Variants in TAS1R2 observed in about 807,000 individuals in gnomAD.
The protein encoded by TAS1R2 is taste receptor type 1 member 2.
Under a neutral mutation model 49.3 loss-of-function variants are expected in TAS1R2, and 47 were observed. That is an observed-to-expected ratio of 0.95 (90% CI 0.75 to 1.22). TAS1R2 has a LOEUF of 1.22. Ranked by LOEUF, TAS1R2 falls within the 50% of genes most tolerant of loss-of-function variation. The probability of loss-of-function intolerance (pLI) is 0.00; values close to 1 mark genes in which losing one functional copy is unlikely to be tolerated. For missense variants in TAS1R2, 1,155 were observed against 1,122.1 expected, an observed-to-expected ratio of 1.03 and a Z score of -0.42; for synonymous variants, 479 against 467.9, an observed-to-expected ratio of 1.02 and a Z score of -0.31.
intron 4 of TAS1R2, among the ~76,000 whole-genome samples, chr1:18,845,060 G>A (rs79168270): frequency 0.05 from 7,590 of 152,150 alleles, 522 homozygotes; most frequent in African/African-American, 0.15. Flanking sequence ...TTCCTCTCTG[G>A]GAAAATTCCA....
chr1:18,841,951 A>C (rs1933838215), intron 4 of TAS1R2, 99 bp from the exon 5 acceptor site: 2 of 1,290,694 alleles, frequency 1.5e-6, no homozygotes, highest in African/African-American at 3.0e-5. Context: ...GAGGAAGCCT[A>C]GAAGCCCCCT....
In TAS1R2 at chr1:18,840,016, G is replaced by A. The variant is rs1368875450; in HGVS notation, c.2103C>T (p.Gly701=). 9 of 1,613,314 alleles carry A rather than the reference G, an allele frequency of 5.6e-6. No homozygotes were observed. The South Asian group carries it at 7.7e-5, about 14-fold the overall frequency. Residue 701 remains glycine (G), a synonymous_variant, in exon 6 of 6, where the codon GGC becomes GGT. Coordinates refer to ENST00000375371, the Ensembl canonical transcript of TAS1R2. ...GGTCAGTACGGGTGGTGGGACTGAG[G>A]CCCGTGGCCAGCATGCCAATTACCA... is the stretch of plus-strand genomic sequence containing the variant.
intron 4 of TAS1R2, among the ~76,000 whole-genome samples, 196 bp from the exon 5 acceptor site, chr1:18,842,048 G>A (rs1211288278): frequency 6.6e-6 from 1 of 151,672 alleles, no homozygotes; most frequent in African/African-American, 2.4e-5. Flanking sequence ...TCTGAAATAT[G>A]CTCAGAGCAT....
chr1:18,847,056 C>T (rs544129834), intron 4 of TAS1R2, among the ~76,000 whole-genome samples: 2 of 152,330 alleles, frequency 1.3e-5, no homozygotes, highest in Admixed American at 1.3e-4. Flanking sequence ...TCTAAGGCCT[C>T]CCCACAAGCT....
At chr1:18,851,228 C>T (rs1323362165) in intron 3 of TAS1R2, among the ~76,000 whole-genome samples, 2 of 152,180 alleles carry the variant, frequency 1.3e-5, no homozygotes, top group African/African-American at 4.8e-5. Context: ...AAGAGCCAGA[C>T]CAGTGCCGAG....
chr1:18,841,686 C>A, intron 5 of TAS1R2, 43 bp downstream of exon 5: 1 of 1,589,082 alleles, frequency 6.3e-7, no homozygotes, highest in Non-Finnish European at 8.6e-7. Context: ...AGGGCAGGGG[C>A]AGGGCAGGGG....
exon 2 of TAS1R2, chr1:18,857,495 T>G: frequency 6.2e-7 from 1 of 1,614,164 alleles, no homozygotes; most frequent in African/African-American, 1.3e-5. Flanking sequence ...GGCTGGACAT[T>G]GTTGGAGATG....
At chr1:18,857,615 T>C in exon 2 of TAS1R2, 3 of 1,613,222 alleles carry the variant, frequency 1.9e-6, no homozygotes, top group Non-Finnish European at 2.5e-6. Context: ...TTGTAGCCTA[T>C]CACCTTCACT....
At position 18,841,860 on chromosome 1, in the gene TAS1R2, G is replaced by T; in HGVS notation, c.1468-8C>A. On this transcript the variant is annotated splice_polypyrimidine_tract_variant and splice_region_variant and intron_variant, in intron 4 of 5. Coordinates refer to ENST00000375371, the Ensembl canonical transcript of TAS1R2. Reference sequence around the variant, plus strand: ...ACACATGGACATAGGGATCTGGAGGGAGGAGGGCAAGAGACCCTGAGTCCT... The same window carrying T: ...ACACATGGACATAGGGATCTGGAGGTAGGAGGGCAAGAGACCCTGAGTCCT... 6.3e-7 allele frequency: 1 copy of T among 1,588,270 alleles called. No individual in the cohort carries two copies. The highest frequency in any genetic ancestry group is 8.6e-7 in the Non-Finnish European group (1 of 1,160,200).
Position 18,857,210 on chromosome 1 carries a change from C to T in TAS1R2, c.483+121G>A, listed in dbSNP as rs996739155. ...CTCAAGATTTGGGCTGATGTCCTGA[C>T]CCTGCTTCTGGTCCTATCATCACCT... On this transcript the variant is annotated intron_variant, in intron 2 of 5. Transcript: ENST00000375371. 21 of 1,163,498 alleles carry T rather than the reference C, an allele frequency of 1.8e-5. No individual in the cohort carries two copies. The African/African-American group carries it at 2.9e-4, about 16-fold the overall frequency. 72.1% of individuals were successfully genotyped at this position (1,163,498 alleles called of 1,614,324 possible).
In TAS1R2 at chr1:18,854,819, G is replaced by A. The variant is rs1314710157; in HGVS notation, c.651C>T (p.Arg217=). ...GCTCGCCAAGCAGCTGGCCATTGTC[G>A]CGGCCATAGGTGTCGCTGCTCACCA... is the stretch of plus-strand genomic sequence containing the variant. Residue 217 remains arginine, a synonymous_variant, in exon 3 of 6, where the codon CGC becomes CGT. Coordinates refer to ENST00000375371, the Ensembl canonical transcript of TAS1R2. This position sits in a 1 kb window ranked among gnomAD's most constrained non-coding sequence, Gnocchi z 4.9. The A allele has an allele frequency of 1.0e-5, 16 of 1,607,076 alleles. No individual in the cohort carries two copies. The highest frequency in any genetic ancestry group is 3.3e-5 in the South Asian group (3 of 90,804).
chr1:18,851,367 G>C (rs1050316485), intron 3 of TAS1R2, among the ~76,000 whole-genome samples: 1 of 151,978 alleles, frequency 6.6e-6, no homozygotes, highest in African/African-American at 2.4e-5. Context: ...TCACTCTGTC[G>C]CCCAGGCTGG....
exon 2 of TAS1R2, chr1:18,857,380 T>G: frequency 6.2e-7 from 1 of 1,614,170 alleles, no homozygotes; most frequent in Non-Finnish European, 8.5e-7. Flanking sequence ...CATGACAGAC[T>G]CGGAGTTGTC....
In TAS1R2 at chr1:18,854,476, T is replaced by A. The variant is rs1934090671; in HGVS notation, c.994A>T (p.Ile332Phe). ...TCGCGGAACTCACTGAAGCCCGGGATGGGCACGCTCTGGATGGTGATGCCC... is the reference window on the plus strand; with the variant it reads ...TCGCGGAACTCACTGAAGCCCGGGAAGGGCACGCTCTGGATGGTGATGCCC... The change falls in exon 3 of 6, where the codon ATC becomes TTC. Residue 332 changes from isoleucine (I) to phenylalanine (F), a missense_variant. Coordinates refer to ENST00000375371, the Ensembl canonical transcript of TAS1R2. The surrounding 1 kb of genome is among the most constrained non-coding windows in gnomAD (Gnocchi z 4.9). 3 of 1,614,128 alleles carry A rather than the reference T, an allele frequency of 1.9e-6. No individual in the cohort carries two copies. The highest frequency in any genetic ancestry group is 1.7e-6 in the Non-Finnish European group (2 of 1,180,022).
At chr1:18,841,827 C>G in exon 5 of TAS1R2, 1 of 1,612,430 alleles carries the variant, frequency 6.2e-7, no homozygotes, top group Non-Finnish European at 8.5e-7. Context: ...TGACTGGCAC[C>G]TCTTGGAACA....
rs749792975 is a variant in TAS1R2 at position 18,854,953 on chromosome 1, C to T, written c.517G>A (p.Asp173Asn). The change falls in exon 3 of 6, where the codon GAC becomes AAC. Residue 173 changes from aspartate (D) to asparagine (N), a missense_variant. Physicochemically the swap from Asp to Asn is conservative, Grantham distance 23. Coordinates refer to ENST00000375371, the Ensembl canonical transcript of TAS1R2. The surrounding 1 kb of genome is among the most constrained non-coding windows in gnomAD (Gnocchi z 4.9). Reference sequence around the variant, plus strand: ...AGCAAAGCCGGGAAGCGCACCTTGTCTCGCAGCTCATCGCTGATGGCGCTG... The same window carrying T: ...AGCAAAGCCGGGAAGCGCACCTTGTTTCGCAGCTCATCGCTGATGGCGCTG... The T allele has an allele frequency of 2.5e-6, 4 of 1,607,034 alleles. No homozygotes were observed. Among genetic ancestry groups the T allele is most frequent in the Non-Finnish European group, 3.4e-6 (4 of 1,174,104 alleles).
intron 3 of TAS1R2, among the ~76,000 whole-genome samples, chr1:18,851,413 TC>T (rs2100517375): frequency 6.6e-6 from 1 of 152,178 alleles, no homozygotes; most frequent in East Asian, 1.9e-4. Flanking sequence ...GACTACAACA[TC>T]CGTCTCCTGG....
chr1:18,851,703 C>A (rs1412263496), intron 3 of TAS1R2, among the ~76,000 whole-genome samples: 1 of 152,154 alleles, frequency 6.6e-6, no homozygotes, highest in Non-Finnish European at 1.5e-5. Flanking sequence ...ACTGATCTGA[C>A]CCCACCACCA....
intron 4 of TAS1R2, among the ~76,000 whole-genome samples, chr1:18,845,877 G>C (rs1213123180): frequency 6.6e-6 from 1 of 152,178 alleles, no homozygotes; most frequent in Non-Finnish European, 1.5e-5. Flanking sequence ...GCCAAATGCT[G>C]GCTGAGAGTG....
Sources: allele counts gnomAD v4.1 joint callset (sites outside exome capture counted in the v4.1 genomes callset), GRCh38; gene constraint gnomAD v4.1.1; non-coding constraint Gnocchi (gnomAD v3.1); transcripts MANE v1.5; gene names NCBI Gene and HGNC (gene_info 2026-07-23, HGNC 2026-07-21).